Variants in MDFIC observed in about 807,000 individuals in gnomAD.
MDFIC encodes the protein MyoD family inhibitor domain containing, also known as myoD family inhibitor domain-containing protein.
In MDFIC, 17 loss-of-function variants were observed where a neutral mutation model predicts 23.2. That is an observed-to-expected ratio of 0.73 (90% CI 0.50 to 1.10). The LOEUF is 1.10. Among genes scored for constraint, MDFIC ranks in the 50% least tolerant of loss-of-function variants. The pLI is 0.00. For missense variants in MDFIC, 356 were observed against 316.6 expected (o/e 1.12, Z -0.95); for synonymous variants, 120 against 115.2 (o/e 1.04, Z -0.27).
intron 2 of MDFIC, among the ~76,000 whole-genome samples, chr7:114,939,476 A>G (rs138801333): frequency 8.5e-5 from 13 of 152,304 alleles, no homozygotes; most frequent in Admixed American, 5.9e-4. Flanking sequence ...TTGACCTGAG[A>G]TGGACACTGG....
intron 2 of MDFIC, 146 bp from the exon 3 acceptor site, chr7:114,942,128 TA>T: frequency 2.5e-6 from 1 of 404,298 alleles, no homozygotes; most frequent in Non-Finnish European, 4.3e-6. Context: ...ACTGAGCCAA[TA>T]AAATAGGCAG....
intron 4 of MDFIC, among the ~76,000 whole-genome samples, chr7:114,993,451 CAATTT>C (rs1005440440): frequency 6.6e-5 from 10 of 152,220 alleles, no homozygotes; most frequent in Admixed American, 3.3e-4. Flanking sequence ...GTTAGGGTGT[CAATTT>C]AAATCTTTCC....
rs35353301 is a variant in MDFIC, at chr7:115,007,862, AT to A, written c.494-7810del. On this transcript the variant is annotated intron_variant, in intron 4 of 4. Transcript: ENST00000393486. ...AGATACTCGCCACCATACTCAGCTA[AT>A]TTTTTTTTTTTTTTTGGTAGAAACA... Among the ~76,000 whole-genome samples, 349 of 110,960 alleles carry A rather than the reference AT, an allele frequency of 3.1e-3. 2 individuals are homozygous for A. The highest frequency in any genetic ancestry group is 8.4e-3 in the African/African-American group (234 of 27,938). 72.8% of individuals were successfully genotyped at this position (110,960 alleles called of 152,430 possible).
At chr7:115,003,680 G>A (rs1202653188) in intron 4 of MDFIC, among the ~76,000 whole-genome samples, 1 of 152,106 alleles carries the variant, frequency 6.6e-6, no homozygotes, top group African/African-American at 2.4e-5. Flanking sequence ...TGGAGCCACT[G>A]GCATCTCTAA....
At chr7:114,972,142 T>G (rs1240826375) in intron 3 of MDFIC, among the ~76,000 whole-genome samples, 2 of 152,090 alleles carry the variant, frequency 1.3e-5, no homozygotes, top group Non-Finnish European at 2.9e-5. Flanking sequence ...GGAGGGAATG[T>G]TTAGGGTAAG....
intron 3 of MDFIC, 72 bp downstream of exon 3, chr7:114,942,469 C>G: frequency 1.7e-6 from 2 of 1,179,838 alleles, no homozygotes; most frequent in Non-Finnish European, 1.1e-6. Flanking sequence ...CGTTAATTGC[C>G]CCAGATAATT....
At chr7:114,962,281 G>A (rs894782570) in intron 3 of MDFIC, among the ~76,000 whole-genome samples, 1 of 152,168 alleles carries the variant, frequency 6.6e-6, no homozygotes, top group African/African-American at 2.4e-5. Context: ...TGGCAGAACC[G>A]GAGCTGCAAC....
At chr7:115,002,494 G>C (rs1791484502) in intron 4 of MDFIC, among the ~76,000 whole-genome samples, 1 of 152,174 alleles carries the variant, frequency 6.6e-6, no homozygotes, top group Non-Finnish European at 1.5e-5. Context: ...CACTCTTCTA[G>C]GTACAGTTTG....
chr7:114,987,264 CA>C (rs1174712545), intron 4 of MDFIC, among the ~76,000 whole-genome samples: 2 of 152,100 alleles, frequency 1.3e-5, no homozygotes, highest in Non-Finnish European at 2.9e-5. Flanking sequence ...TTTGCTGTTA[CA>C]ATACTGTTTC....
intron 4 of MDFIC, among the ~76,000 whole-genome samples, chr7:114,984,864 A>C (rs1369776451): frequency 2.0e-5 from 3 of 152,210 alleles, no homozygotes; most frequent in Non-Finnish European, 4.4e-5. Context: ...GAAATTTTAT[A>C]CTTTTTAGGA....
At chr7:114,972,882 T>C (rs990779847) in intron 3 of MDFIC, among the ~76,000 whole-genome samples, 9 of 152,126 alleles carry the variant, frequency 5.9e-5, no homozygotes, top group African/African-American at 2.2e-4. Flanking sequence ...CCTCTCAAAG[T>C]GCTAGGCTCT....
chr7:114,969,157 A>G (rs1040693522), intron 3 of MDFIC, among the ~76,000 whole-genome samples: 3 of 152,196 alleles, frequency 2.0e-5, no homozygotes, highest in Non-Finnish European at 4.4e-5. Flanking sequence ...TTAATTCCCT[A>G]GTTACAACAG....
chr7:114,990,921 C>A (rs1055173987), intron 4 of MDFIC, among the ~76,000 whole-genome samples: 3 of 152,008 alleles, frequency 2.0e-5, no homozygotes, highest in African/African-American at 7.2e-5. Context: ...GAGGAATCGC[C>A]ACACTGTTTT....
At chr7:114,939,712 G>A (rs1328121897) in intron 2 of MDFIC, among the ~76,000 whole-genome samples, 1 of 152,180 alleles carries the variant, frequency 6.6e-6, no homozygotes, top group Non-Finnish European at 1.5e-5. Context: ...ATTCAAATAT[G>A]AGTCAAGTGT....
intron 3 of MDFIC, among the ~76,000 whole-genome samples, chr7:114,952,720 T>C (rs1792801736): frequency 6.6e-6 from 1 of 152,104 alleles, no homozygotes; most frequent in Admixed American, 6.5e-5. Context: ...GAAAAAAAGA[T>C]TCCCACCATC....
intron 1 of MDFIC, 132 bp downstream of exon 1, chr7:114,922,768 A>G: frequency 1.6e-6 from 2 of 1,216,630 alleles, no homozygotes; most frequent in Non-Finnish European, 2.1e-6. Context: ...CGCCGCTGTC[A>G]ACTTGCGCTG....
rs1361611560 is a variant in MDFIC at position 114,922,404 on chromosome 7, AAG to A, written c.-337_-336del. 4.0e-6 allele frequency: 5 copies of A among 1,238,190 alleles called. No individual in the cohort carries two copies. The highest frequency in any genetic ancestry group is 8.1e-5 in the South Asian group (2 of 24,684). 76.7% of individuals were successfully genotyped at this position (1,238,190 alleles called of 1,614,324 possible). ...AGCCGGCTGGAGTGAGCTGGCTGGA[AAG>A]AGGGGGCGGAGTGCGCGGAGTCAGA... On this transcript the variant is annotated 5_prime_UTR_variant, in exon 1 of 5. Coordinates refer to ENST00000393486, the MANE Select transcript of MDFIC (RefSeq NM_001166345.3).
chr7:114,989,336 G>T (rs957390095), intron 4 of MDFIC, among the ~76,000 whole-genome samples: 3 of 152,148 alleles, frequency 2.0e-5, no homozygotes, highest in African/African-American at 7.2e-5. Context: ...TTGTTTTCAT[G>T]GAGAAGCCAC....
At chr7:114,960,697 T>C (rs946091036) in intron 3 of MDFIC, among the ~76,000 whole-genome samples, 9 of 152,222 alleles carry the variant, frequency 5.9e-5, no homozygotes, top group African/African-American at 1.9e-4. Flanking sequence ...TTTTCTGGAG[T>C]TTTTGTTTGC....
Sources: allele counts gnomAD v4.1 joint callset (sites outside exome capture counted in the v4.1 genomes callset), GRCh38; gene constraint gnomAD v4.1.1; transcripts MANE v1.5; gene names NCBI Gene and HGNC (gene_info 2026-07-23, HGNC 2026-07-21).